Variants in CREB5 observed in about 807,000 individuals in gnomAD.
The protein encoded by CREB5 is cAMP responsive element binding protein 5, also known as cyclic AMP-responsive element-binding protein 5.
In CREB5, 19 loss-of-function variants were observed where a neutral mutation model predicts 57.1. The ratio of observed to expected loss-of-function variants is 0.33; its 90% CI spans 0.23 to 0.49. The LOEUF is 0.49. CREB5 is among the 20% of genes least tolerant of loss of function. The probability of loss-of-function intolerance (pLI) is 0.99; values close to 1 mark genes in which losing one functional copy is unlikely to be tolerated. For synonymous variants in CREB5, 238 were observed against 238.3 expected (o/e 1.00, Z 0.01); for missense variants, 579 against 671.6 (o/e 0.86, Z 1.52).
chr7:28,564,078 C>T (rs540567141), intron 4 of CREB5, among the ~76,000 whole-genome samples: 2 of 152,286 alleles, frequency 1.3e-5, no homozygotes, highest in South Asian at 2.1e-4. Context: ...AGGGTTAGAA[C>T]CTTTGTTATT....
chr7:28,637,084 G>C (rs937739616), intron 5 of CREB5, among the ~76,000 whole-genome samples: 3 of 152,068 alleles, frequency 2.0e-5, no homozygotes, highest in African/African-American at 7.2e-5. Context: ...AGCCCAGGAG[G>C]ATGAGGCTGC....
chr7:28,762,190 T>C lies in CREB5; in HGVS notation c.702+37858T>C, dbSNP rs188870361. 1.2e-3 allele frequency among the ~76,000 whole-genome samples: 187 copies of C among 152,348 alleles called. 1 individual carries two copies. The highest frequency in any genetic ancestry group is 4.4e-3 in the African/African-American group (182 of 41,596). ...GGTTACCACATCTGGCATAAACTAT[T>C]ATTTTGGTTGTCAATTTGGGTCGAT... is the stretch of plus-strand genomic sequence containing the variant. On this transcript the variant is annotated intron_variant, in intron 7 of 10. Transcript: ENST00000357727.
intron 4 of CREB5, among the ~76,000 whole-genome samples, chr7:28,520,572 G>T (rs577506354): frequency 6.6e-6 from 1 of 152,290 alleles, no homozygotes; most frequent in African/African-American, 2.4e-5. Context: ...GTAAAATCAG[G>T]CATATCCTTT....
At chr7:28,646,794 A>AT (rs1010444046) in intron 5 of CREB5, among the ~76,000 whole-genome samples, 12 of 152,178 alleles carry the variant, frequency 7.9e-5, no homozygotes, top group African/African-American at 2.4e-4. Context: ...TGCAAATGAG[A>AT]TTTTTTTAAA....
At position 28,560,851 on chromosome 7, in the gene CREB5, T is replaced by C. The variant is rs1273876516; in HGVS notation, c.292-9514T>C. Among the ~76,000 whole-genome samples, 146 of 69,126 alleles carry C rather than the reference T, an allele frequency of 2.1e-3. 14 individuals carry two copies. Among genetic ancestry groups the C allele is most frequent in the African/African-American group, 4.3e-3 (76 of 17,614 alleles). 45.3% of individuals were successfully genotyped at this position (69,126 alleles called of 152,430 possible). A position where few individuals can be genotyped will look rare whatever the true frequency, so the allele number is the denominator to read the frequency against. ...GCGCGCGCGTGTGTGTGTGCGCGTG[T>C]GTGTGTGCGTGTGCCTGCGTGCGCG... On this transcript the variant is annotated intron_variant, in intron 4 of 10. Coordinates refer to ENST00000357727, the MANE Select transcript of CREB5 (RefSeq NM_182898.4).
chr7:28,421,108 A>C (rs1788229616), intron 1 of CREB5, among the ~76,000 whole-genome samples: 1 of 152,072 alleles, frequency 6.6e-6, no homozygotes, highest in South Asian at 2.1e-4. Flanking sequence ...TGTACATTGC[A>C]CCCACTAGGT....
intron 1 of CREB5, among the ~76,000 whole-genome samples, chr7:28,302,856 C>A (rs1785120996): frequency 6.6e-6 from 1 of 152,116 alleles, no homozygotes; most frequent in African/African-American, 2.4e-5. Context: ...CTCTTGTTTG[C>A]CCACCAATTA....
At chr7:28,708,281 C>T (rs1250048792) in intron 5 of CREB5, among the ~76,000 whole-genome samples, 1 of 152,178 alleles carries the variant, frequency 6.6e-6, no homozygotes, top group Non-Finnish European at 1.5e-5. Flanking sequence ...CCCAAGGTTG[C>T]ATAGTCCATG....
intron 1 of CREB5, among the ~76,000 whole-genome samples, chr7:28,361,192 C>T (rs991048149): frequency 2.0e-5 from 3 of 152,132 alleles, no homozygotes; most frequent in Non-Finnish European, 2.9e-5. Flanking sequence ...AATAAAGCAG[C>T]GCAACTAACT....
chr7:28,349,313 TGAA>T (rs1786142453), intron 1 of CREB5, among the ~76,000 whole-genome samples: 1 of 152,228 alleles, frequency 6.6e-6, no homozygotes, highest in Non-Finnish European at 1.5e-5. Context: ...ACTCTTCATC[TGAA>T]GAAGTTTAGA....
chr7:28,768,443 A>G (rs1428682195), intron 7 of CREB5, among the ~76,000 whole-genome samples: 4 of 152,206 alleles, frequency 2.6e-5, no homozygotes. Context: ...TGGAACCCCA[A>G]TATCTAATCT....
At chr7:28,621,781 G>T (rs959208838) in intron 5 of CREB5, among the ~76,000 whole-genome samples, 1 of 152,126 alleles carries the variant, frequency 6.6e-6, no homozygotes, top group Non-Finnish European at 1.5e-5. Context: ...GGATGATGTC[G>T]TCATACCAAG....
chr7:28,824,467 C>CA lies in CREB5; in HGVS notation c.*5193dup, dbSNP rs1809956120. ...CCCTATCGATTTCATTCCTAGGTCTCAAAAATACAATGTTGCCTTGTAACA... is the reference window on the plus strand; with the variant it reads ...CCCTATCGATTTCATTCCTAGGTCTCAAAAAATACAATGTTGCCTTGTAACA... On this transcript the variant is annotated 3_prime_UTR_variant, in exon 11 of 11. Coordinates refer to ENST00000357727, the MANE Select transcript of CREB5 (RefSeq NM_182898.4). 1 of 152,532 alleles carries CA rather than the reference C, an allele frequency of 6.6e-6. No individual in the cohort carries two copies. 9.4% of individuals were successfully genotyped at this position (152,532 alleles called of 1,614,324 possible).
chr7:28,512,445 C>T (rs1792750226), intron 4 of CREB5, among the ~76,000 whole-genome samples: 1 of 152,094 alleles, frequency 6.6e-6, no homozygotes, highest in Non-Finnish European at 1.5e-5. Flanking sequence ...AGTAGGGAAG[C>T]CCAGCCCTAG....
rs138036333 is a variant in CREB5 at position 28,649,039 on chromosome 7, C to T, written c.465-69714C>T. Among the ~76,000 whole-genome samples, 354 of 152,200 alleles carry T rather than the reference C, an allele frequency of 2.3e-3. 1 individual carries two copies. In the Middle Eastern group the frequency reaches 0.045, roughly 19 times the overall value. Reference sequence around the variant, plus strand: ...CACCAGAGAGGAAGGGACTGGTTTTCGTAGGTGTGCAGAAAGCCCACAGTG... The same window carrying T: ...CACCAGAGAGGAAGGGACTGGTTTTTGTAGGTGTGCAGAAAGCCCACAGTG... On this transcript the variant is annotated intron_variant, in intron 5 of 10. Coordinates refer to ENST00000357727, the MANE Select transcript of CREB5 (RefSeq NM_182898.4).
intron 1 of CREB5, among the ~76,000 whole-genome samples, chr7:28,401,429 T>C (rs1253931590): frequency 6.6e-6 from 1 of 152,124 alleles, no homozygotes; most frequent in Non-Finnish European, 1.5e-5. Context: ...TTTATTTTTT[T>C]ATAATGTAAG....
At chr7:28,648,153 CCTGGTGAGAGGGT>C (rs1798961513) in intron 5 of CREB5, among the ~76,000 whole-genome samples, 1 of 151,880 alleles carries the variant, frequency 6.6e-6, no homozygotes, top group African/African-American at 2.4e-5. Flanking sequence ...TAGGTTTATA[CCTGGTGAGAGGGT>C]CTGGGAGGGT....
intron 4 of CREB5, among the ~76,000 whole-genome samples, chr7:28,560,987 T>TGCGCGTGTGCGCGTGTGTGCGCGTGC (rs1212595303): frequency 1.6e-5 from 1 of 64,454 alleles, no homozygotes; most frequent in Non-Finnish European, 3.5e-5. Context: ...TGTGCGTGCG[T>TGCGCGTGTGCGCGTGTGTGCGCGTGC]GTGTGTGCCT....
chr7:28,709,580 C>T (rs1019435372), intron 5 of CREB5, among the ~76,000 whole-genome samples: 2 of 151,910 alleles, frequency 1.3e-5, no homozygotes, highest in African/African-American at 2.4e-5. Context: ...TAAGTAGATG[C>T]AGTGTATATG....
Sources: allele counts gnomAD v4.1 joint callset (sites outside exome capture counted in the v4.1 genomes callset), GRCh38; gene constraint gnomAD v4.1.1; transcripts MANE v1.5; gene names NCBI Gene and HGNC (gene_info 2026-07-23, HGNC 2026-07-21).